The following DISC1 variants were observed in gnomAD, a reference collection of about 807,000 sequenced individuals.
The protein encoded by DISC1 is DISC1 scaffold protein.
Under a neutral mutation model 84.5 loss-of-function variants are expected in DISC1, and 57 were observed. The observed-to-expected ratio is 0.67, with a 90% CI of 0.55 to 0.84. The LOEUF (loss-of-function observed/expected upper bound fraction) is 0.84. DISC1 is among the 40% of genes least tolerant of loss of function. DISC1 has a pLI of 0.00. For missense variants in DISC1, 1,000 were observed against 1,057.8 expected (o/e 0.95, Z 0.76); for synonymous variants, 411 against 415.2 (o/e 0.99, Z 0.12).
chr1:231,992,880 T>G (rs139866737), intron 10 of DISC1, among the ~76,000 whole-genome samples: 22 of 152,350 alleles, frequency 1.4e-4, no homozygotes, highest in African/African-American at 5.0e-4. Context: ...GTGGATGACA[T>G]CTTGCTAGTC....
chr1:231,728,459 C>T (rs1307727905), intron 3 of DISC1, among the ~76,000 whole-genome samples: 1 of 152,156 alleles, frequency 6.6e-6, no homozygotes, highest in East Asian at 1.9e-4. Flanking sequence ...CAGGAGTTCC[C>T]ATCTGGGTCC....
chr1:231,956,712 G>T (rs192167469), intron 9 of DISC1, among the ~76,000 whole-genome samples: 161 of 152,204 alleles, frequency 1.1e-3, no homozygotes, highest in African/African-American at 3.1e-3. Context: ...AGGGTATAGT[G>T]GGGGGGACTT....
intron 9 of DISC1, among the ~76,000 whole-genome samples, chr1:231,847,738 G>T (rs1237496165): frequency 2.0e-5 from 3 of 152,090 alleles, no homozygotes; most frequent in Admixed American, 6.5e-5. Context: ...GTTAAATCCT[G>T]TTCCTCCAAG....
chr1:231,719,449 G>A (rs893140936), intron 3 of DISC1, among the ~76,000 whole-genome samples: 4 of 152,252 alleles, frequency 2.6e-5, no homozygotes, highest in East Asian at 1.9e-4. Context: ...AAGCATTAGC[G>A]CTTTTCAGGT....
At chr1:231,666,077 G>A (rs1255189183) in intron 1 of DISC1, among the ~76,000 whole-genome samples, 1 of 152,052 alleles carries the variant, frequency 6.6e-6, no homozygotes, top group East Asian at 1.9e-4. Context: ...AGTAGGACAG[G>A]GAACAGTAGG....
chr1:231,916,625 A>T (rs1411207288), intron 9 of DISC1, among the ~76,000 whole-genome samples: 1 of 143,394 alleles, frequency 7.0e-6, no homozygotes, highest in African/African-American at 2.6e-5. Flanking sequence ...ACTGCACTCC[A>T]GCCTGGGCGA....
At chr1:231,734,206 T>C (rs1274067602) in intron 3 of DISC1, among the ~76,000 whole-genome samples, 1 of 152,168 alleles carries the variant, frequency 6.6e-6, no homozygotes, top group Non-Finnish European at 1.5e-5. Flanking sequence ...GACATACTTA[T>C]AGAAACAATG....
chr1:231,976,808 G>T (rs1172632570), intron 10 of DISC1, among the ~76,000 whole-genome samples: 1 of 152,188 alleles, frequency 6.6e-6, no homozygotes, highest in African/African-American at 2.4e-5. Context: ...TAGAGAGACT[G>T]ATTCAGACAT....
At chr1:232,016,861 C>G (rs1668532602) in intron 11 of DISC1, among the ~76,000 whole-genome samples, 2 of 152,154 alleles carry the variant, frequency 1.3e-5, no homozygotes, top group Admixed American at 1.3e-4. Flanking sequence ...TACGCAGTTA[C>G]TCAGGGAGTA....
intron 9 of DISC1, among the ~76,000 whole-genome samples, chr1:231,868,179 G>A (rs200185740): frequency 6.6e-6 from 1 of 152,132 alleles, no homozygotes; most frequent in Admixed American, 6.5e-5. Flanking sequence ...GAGAGTGCTC[G>A]GTAGCACCTG....
At chr1:232,023,208 C>T (rs1047762897) in intron 11 of DISC1, among the ~76,000 whole-genome samples, 5 of 152,050 alleles carry the variant, frequency 3.3e-5, no homozygotes, top group Non-Finnish European at 5.9e-5. Context: ...TATTTTGATG[C>T]TTTGCCTATT....
Position 231,760,040 on chromosome 1 carries a change from T to G in DISC1, c.1269-7100T>G, listed in dbSNP as rs537012471. On this transcript the variant is annotated intron_variant, in intron 4 of 12. Transcript: ENST00000439617. ...CCAGTGGCATCAGGCATAACTATTATGAACCCAGATAAATATTCATGTGCC... is the reference window on the plus strand; with the variant it reads ...CCAGTGGCATCAGGCATAACTATTAGGAACCCAGATAAATATTCATGTGCC... Among the ~76,000 whole-genome samples, 9 of 152,358 alleles carry G rather than the reference T, an allele frequency of 5.9e-5. No individual in the cohort carries two copies. The East Asian group carries it at 1.7e-3, about 29-fold the overall frequency.
intron 9 of DISC1, among the ~76,000 whole-genome samples, chr1:231,907,737 G>C (rs1439649248): frequency 6.6e-6 from 1 of 152,176 alleles, no homozygotes; most frequent in Non-Finnish European, 1.5e-5. Context: ...CTAGATCCTT[G>C]AGGAATCGCT....
chr1:232,021,019 C>T (rs188742640), intron 11 of DISC1, among the ~76,000 whole-genome samples: 4 of 152,118 alleles, frequency 2.6e-5, no homozygotes, highest in African/African-American at 7.2e-5. Flanking sequence ...CCTGTGTGAC[C>T]GTAACATATA....
intron 9 of DISC1, among the ~76,000 whole-genome samples, chr1:231,868,714 A>G (rs1348061196): frequency 8.9e-6 from 1 of 112,286 alleles, no homozygotes; most frequent in African/African-American, 4.5e-5. Context: ...ATATATATAT[A>G]TATATATATA....
chr1:231,980,147 A>G (rs963353705), intron 10 of DISC1, among the ~76,000 whole-genome samples: 13 of 152,134 alleles, frequency 8.5e-5, no homozygotes, highest in African/African-American at 2.9e-4. Context: ...AACCATTTTA[A>G]TTCAATTTTT....
intron 8 of DISC1, among the ~76,000 whole-genome samples, chr1:231,805,275 C>G (rs1336855939): frequency 1.3e-5 from 2 of 152,068 alleles, no homozygotes; most frequent in Non-Finnish European, 2.9e-5. Context: ...GCTGTCCTTC[C>G]TAGACATATC....
intron 2 of DISC1, among the ~76,000 whole-genome samples, chr1:231,701,357 A>G (rs187685798): frequency 1.1e-4 from 17 of 152,342 alleles, no homozygotes; most frequent in Admixed American, 7.8e-4. Flanking sequence ...AACCATATCA[A>G]TGATGCTAAA....
intron 8 of DISC1, among the ~76,000 whole-genome samples, chr1:231,813,732 G>A (rs1036610572): frequency 3.3e-5 from 5 of 152,144 alleles, no homozygotes; most frequent in African/African-American, 1.2e-4. Context: ...CCTACCCCTT[G>A]CCCATTGCTC....
Sources: gnomAD v4.1 joint callset for allele counts (sites outside exome capture counted in the v4.1 genomes callset) on GRCh38, gnomAD v4.1.1 for gene constraint, MANE v1.5 for transcripts, NCBI Gene and HGNC (gene_info 2026-07-23, HGNC 2026-07-21) for gene names.